RANBP2: variants seen among roughly 807,000 people sequenced by gnomAD.
RANBP2 encodes the protein E3 SUMO-protein ligase RanBP2.
In RANBP2, 57 loss-of-function variants were observed where a neutral mutation model predicts 303.6. The observed-to-expected ratio is 0.19, with a 90% CI of 0.15 to 0.23. The LOEUF is 0.23. RANBP2 is among the 10% of genes least tolerant of loss of function. The pLI, the probability that RANBP2 is intolerant of heterozygous loss-of-function variation, is 1.00. For synonymous variants in RANBP2, 1,167 were observed against 1,301.5 expected (o/e 0.90, Z 2.23); for missense variants, 3,138 against 3,780.8 (o/e 0.83, Z 4.46).
chr2:109,247,013 T>G, the RANBP2 span, among the ~76,000 whole-genome samples: 2 of 152,360 alleles, frequency 1.3e-5, no homozygotes, highest in East Asian at 3.9e-4. Flanking sequence ...GGTCGGACCC[T>G]CACTTTTTGA....
At chr2:108,790,521 G>A (rs1295871633), downstream of RANBP2, among the ~76,000 whole-genome samples, 1 of 152,100 alleles carries the variant, frequency 6.6e-6, no homozygotes, top group African/African-American at 2.4e-5. Context: ...TATACACACT[G>A]GCTTTCTAAG....
chr2:109,222,152 G>T, the RANBP2 span, among the ~76,000 whole-genome samples: 1 of 144,268 alleles, frequency 6.9e-6, no homozygotes, highest in African/African-American at 2.9e-5. Context: ...AAAGGTGCTC[G>T]CATGAAGACA....
At chr2:109,396,299 G>A in the RANBP2 span, among the ~76,000 whole-genome samples, 102 of 152,344 alleles carry the variant, frequency 6.7e-4, 1 homozygote, top group East Asian at 0.017. Flanking sequence ...AGCTGAGCCT[G>A]GTTGGAGGAA....
At chr2:108,788,895 A>G, downstream of RANBP2, 1 of 1,614,148 alleles carries the variant, frequency 6.2e-7, no homozygotes, top group Non-Finnish European at 8.5e-7. Flanking sequence ...GTTCATCGTT[A>G]AAATATTCTG....
At chr2:109,614,108 G>A in the RANBP2 span, 10 of 1,209,802 alleles carry the variant, frequency 8.3e-6, no homozygotes, top group Non-Finnish European at 7.2e-6. Context: ...GTCAGCGTTG[G>A]GGCGGGCTGA....
chr2:109,738,997 T>C, the RANBP2 span, among the ~76,000 whole-genome samples: 1 of 148,422 alleles, frequency 6.7e-6, no homozygotes, highest in African/African-American at 2.5e-5. Flanking sequence ...TCCAGCACCA[T>C]TTATTGAAGA....
chr2:108,749,695 G>C (rs1419621055), intron 9 of RANBP2, among the ~76,000 whole-genome samples: 1 of 152,184 alleles, frequency 6.6e-6, no homozygotes, highest in African/African-American at 2.4e-5. Context: ...GGGCTCAAGG[G>C]ATTCTCTTGC....
chr2:109,267,515 T>TG, the RANBP2 span, among the ~76,000 whole-genome samples: 2 of 152,160 alleles, frequency 1.3e-5, no homozygotes, highest in African/African-American at 2.4e-5. Flanking sequence ...TCTTTGTGCT[T>TG]GCTTCTTTGA....
At chr2:109,177,270 C>G in the RANBP2 span, among the ~76,000 whole-genome samples, 1 of 152,144 alleles carries the variant, frequency 6.6e-6, no homozygotes, top group African/African-American at 2.4e-5. Flanking sequence ...AATGCCAGGC[C>G]TGGGGCTGGT....
the RANBP2 span, among the ~76,000 whole-genome samples, chr2:109,714,411 C>T: frequency 6.6e-6 from 1 of 151,900 alleles, no homozygotes; most frequent in Non-Finnish European, 1.5e-5. Flanking sequence ...TAGTGATTCT[C>T]CTGCCTTAGC....
the RANBP2 span, among the ~76,000 whole-genome samples, chr2:109,208,487 C>T: frequency 6.6e-6 from 1 of 152,180 alleles, no homozygotes; most frequent in East Asian, 1.9e-4. Context: ...GCAAAGGCTC[C>T]CAGTAACAGT....
the RANBP2 span, chr2:109,504,328 G>C: frequency 6.6e-6 from 1 of 152,202 alleles, no homozygotes; most frequent in Non-Finnish European, 1.5e-5. Flanking sequence ...GAAGTCAGTG[G>C]ACACCGAGGG....
the RANBP2 span, among the ~76,000 whole-genome samples, chr2:109,440,037 C>T: frequency 6.6e-6 from 1 of 152,264 alleles, no homozygotes; most frequent in Admixed American, 6.5e-5. Flanking sequence ...AGTGTCTGAG[C>T]AGACAAAAGA....
chr2:109,681,535 G>A, the RANBP2 span, among the ~76,000 whole-genome samples: 428 of 152,284 alleles, frequency 2.8e-3, 7 homozygotes, highest in African/African-American at 9.6e-3. Context: ...AAACTTTTAG[G>A]TGAGTTTAAA....
the RANBP2 span, among the ~76,000 whole-genome samples, chr2:108,862,092 A>G: frequency 3.2e-4 from 29 of 90,438 alleles, no homozygotes; most frequent in Non-Finnish European, 4.5e-4. Flanking sequence ...TTTTTTTTTT[A>G]TTTGTTGAGA....
chr2:108,989,523 C>T, the RANBP2 span, among the ~76,000 whole-genome samples: 7 of 152,014 alleles, frequency 4.6e-5, no homozygotes, highest in African/African-American at 1.7e-4. Context: ...CGTAGAAGGA[C>T]CCCCCACTGA....
At chr2:108,869,359 A>G in the RANBP2 span, among the ~76,000 whole-genome samples, 4 of 152,306 alleles carry the variant, frequency 2.6e-5, no homozygotes, top group East Asian at 7.7e-4. Flanking sequence ...CCAGTTCTCC[A>G]TTCCCTTCCT....
the RANBP2 span, among the ~76,000 whole-genome samples, chr2:109,519,509 G>C: frequency 1.3e-5 from 2 of 152,212 alleles, no homozygotes; most frequent in Admixed American, 6.5e-5. Context: ...TGCACCTCAA[G>C]AGAGAGGCCT....
At chr2:109,719,766 T>A in the RANBP2 span, among the ~76,000 whole-genome samples, 1 of 152,142 alleles carries the variant, frequency 6.6e-6, no homozygotes, top group Non-Finnish European at 1.5e-5. Context: ...AGTCCATAGA[T>A]ACCTTAGATC....
Sources: gnomAD v4.1 joint callset for allele counts (sites outside exome capture counted in the v4.1 genomes callset) on GRCh38, gnomAD v4.1.1 for gene constraint, MANE v1.5 for transcripts, NCBI Gene and HGNC (gene_info 2026-07-23, HGNC 2026-07-21) for gene names.